The following GALNS variants were observed in gnomAD, a reference collection of about 807,000 sequenced individuals.
GALNS encodes the protein galactosamine (N-acetyl)-6-sulfatase.
In GALNS, 65 loss-of-function variants were observed where a neutral mutation model predicts 65.9. The ratio of observed to expected loss-of-function variants is 0.99; its 90% CI spans 0.81 to 1.21. The LOEUF (loss-of-function observed/expected upper bound fraction) is 1.21, where lower values mean the gene tolerates loss of function less well. Ranked by LOEUF, GALNS falls within the 50% of genes most tolerant of loss-of-function variation. The pLI is 0.00. For synonymous variants in GALNS, 346 were observed against 288.9 expected, an observed-to-expected ratio of 1.20 and a Z score of -2.00; for missense variants, 776 against 700.7, an observed-to-expected ratio of 1.11 and a Z score of -1.21.
intron 9 of GALNS, chr16:88,827,051 C>G: frequency 1.6e-6 from 1 of 612,892 alleles, no homozygotes; most frequent in South Asian, 1.9e-5. Context: ...AGAGCCAGGC[C>G]ACGCCCTCAC....
intron 13 of GALNS, chr16:88,816,335 G>A (rs1380705927): frequency 2.0e-6 from 2 of 985,316 alleles, no homozygotes; most frequent in Non-Finnish European, 2.4e-6. Context: ...GGGTGTGGAA[G>A]GCAGAAGGCC....
At chr16:88,819,635 C>A (rs529278531) in intron 12 of GALNS, among the ~76,000 whole-genome samples, 8 of 152,164 alleles carry the variant, frequency 5.3e-5, no homozygotes, top group Non-Finnish European at 7.4e-5. Context: ...CAGGCTCAAG[C>A]GATCTTCCTG....
At chr16:88,818,157 G>A (rs1038152400) in intron 12 of GALNS, 33 bp from the exon 13 acceptor site, 3 of 1,531,322 alleles carry the variant, frequency 2.0e-6, no homozygotes, top group Admixed American at 1.9e-5. Context: ...ACACGGCTGG[G>A]GCTGACAGCG....
chr16:88,835,881 C>T lies in GALNS; in HGVS notation c.634-32G>A, dbSNP rs1438458112. The T allele has an allele frequency of 1.9e-6, 3 of 1,613,326 alleles. No individual in the cohort carries two copies. In the African/African-American group the frequency reaches 4.0e-5, roughly 22 times the overall value. On this transcript the variant is annotated intron_variant, in intron 6 of 13. Coordinates refer to ENST00000268695, the MANE Select transcript of GALNS (RefSeq NM_000512.5). Reference sequence around the variant, plus strand: ...AGAGAGCCACACCGTCGTCCTCCAGCCTCAGGCCGACCTCCTCATGCCTCC... The same window carrying T: ...AGAGAGCCACACCGTCGTCCTCCAGTCTCAGGCCGACCTCCTCATGCCTCC...
At chr16:88,854,049 G>GC in intron 1 of GALNS, among the ~76,000 whole-genome samples, 1 of 152,350 alleles carries the variant, frequency 6.6e-6, no homozygotes, top group African/African-American at 2.4e-5. Flanking sequence ...GGGGGCCCAG[G>GC]CCCCCCACTG....
At chr16:88,849,060 T>C (rs1192371355) in intron 1 of GALNS, among the ~76,000 whole-genome samples, 2 of 152,196 alleles carry the variant, frequency 1.3e-5, no homozygotes, top group South Asian at 4.1e-4. Flanking sequence ...TCAAAGGCCC[T>C]CCATGTCTCA....
At chr16:88,832,186 G>C in intron 8 of GALNS, 85 bp from the exon 9 acceptor site, 1 of 1,232,732 alleles carries the variant, frequency 8.1e-7, no homozygotes. Flanking sequence ...CACTGAGACT[G>C]GTCATAGGGA....
At position 88,835,938 on chromosome 16, in the gene GALNS, C is replaced by T. The variant is rs779990933; in HGVS notation, c.634-89G>A. ...CCCCGTCCCCACACGTCCCACGGGGCGAGGTTGGTGCGGTCCCCGTCCCCA... is the reference window on the plus strand; with the variant it reads ...CCCCGTCCCCACACGTCCCACGGGGTGAGGTTGGTGCGGTCCCCGTCCCCA... On this transcript the variant is annotated intron_variant, in intron 6 of 13. Transcript: ENST00000268695. 1.7e-5 allele frequency: 27 copies of T among 1,595,790 alleles called. No individual in the cohort carries two copies. In the East Asian group the frequency reaches 2.1e-4, roughly 12 times the overall value.
At chr16:88,817,855 C>T (rs998821344) in intron 13 of GALNS, 152 bp downstream of exon 13, 13 of 750,490 alleles carry the variant, frequency 1.7e-5, no homozygotes, top group African/African-American at 1.0e-4. Context: ...CGGACGCCGC[C>T]GCGTGTGCTC....
In GALNS at chr16:88,856,184, T is replaced by C. The variant is rs888732722; in HGVS notation, c.120+574A>G. On this transcript the variant is annotated intron_variant, in intron 1 of 13. Coordinates refer to ENST00000268695, the MANE Select transcript of GALNS (RefSeq NM_000512.5). ...AGGAGACATTCCAGCCTTTCAGTTCTTCAGACCTTAGGGACACCTGACCTT... is the reference window on the plus strand; with the variant it reads ...AGGAGACATTCCAGCCTTTCAGTTCCTCAGACCTTAGGGACACCTGACCTT... The C allele has an allele frequency of 2.7e-5, 19 of 702,832 alleles. No homozygotes were observed. In the African/African-American group the frequency reaches 3.0e-4, roughly 11 times the overall value. 43.5% of individuals were successfully genotyped at this position (702,832 alleles called of 1,614,324 possible). A position where few individuals can be genotyped will look rare whatever the true frequency, so the allele number is the denominator to read the frequency against.
chr16:88,819,185 C>T (rs372433339), intron 12 of GALNS, among the ~76,000 whole-genome samples: 2 of 151,944 alleles, frequency 1.3e-5, no homozygotes, highest in Non-Finnish European at 2.9e-5. Flanking sequence ...ATGCGCCCCC[C>T]TCCCCACCCC....
chr16:88,817,627 G>A (rs1231798344), intron 13 of GALNS, among the ~76,000 whole-genome samples: 1 of 152,226 alleles, frequency 6.6e-6, no homozygotes, highest in African/African-American at 2.4e-5. Flanking sequence ...CCTGCAAGGA[G>A]AAGCTGCCCG....
chr16:88,816,902 G>A (rs1035659904), intron 13 of GALNS: 11 of 985,326 alleles, frequency 1.1e-5, no homozygotes, highest in Admixed American at 6.1e-5. Context: ...GGGCAGCCAC[G>A]CCCAGCCCGT....
At chr16:88,830,942 G>A (rs902060398) in intron 9 of GALNS, among the ~76,000 whole-genome samples, 1 of 152,206 alleles carries the variant, frequency 6.6e-6, no homozygotes, top group Non-Finnish European at 1.5e-5. Flanking sequence ...CCTGCTCTAA[G>A]CCCCTTCTAG....
Position 88,835,890 on chromosome 16 carries a change from G to C in GALNS, c.634-41C>G, listed in dbSNP as rs373124645. On this transcript the variant is annotated intron_variant, in intron 6 of 13. Coordinates refer to ENST00000268695, the MANE Select transcript of GALNS (RefSeq NM_000512.5). ...CACCGTCGTCCTCCAGCCTCAGGCC[G>C]ACCTCCTCATGCCTCCCACGGTCCC... 1.2e-4 allele frequency: 199 copies of C among 1,612,750 alleles called. 1 individual carries two copies. The highest frequency in any genetic ancestry group is 1.6e-4 in the Non-Finnish European group (193 of 1,179,876).
intron 1 of GALNS, among the ~76,000 whole-genome samples, chr16:88,854,586 G>C (rs1036816275): frequency 6.6e-6 from 1 of 152,210 alleles, no homozygotes; most frequent in Non-Finnish European, 1.5e-5. Flanking sequence ...CCCCCAGTGT[G>C]CTTGGCGCAG....
chr16:88,839,816 TC>T (rs1966884853), intron 4 of GALNS, among the ~76,000 whole-genome samples: 1 of 152,170 alleles, frequency 6.6e-6, no homozygotes, highest in Non-Finnish European at 1.5e-5. Flanking sequence ...GGAGACCCAC[TC>T]CCTGTCTAGC....
Position 88,829,233 on chromosome 16 carries a change from C to T in GALNS, c.1003-2395G>A, listed in dbSNP as rs569929538. 5.9e-5 allele frequency among the ~76,000 whole-genome samples: 9 copies of T among 151,902 alleles called. No individual in the cohort carries two copies. In the East Asian group the frequency reaches 1.7e-3, roughly 29 times the overall value. ...GTTCACTGAGTGACCACCGGCCACT[C>T]CCTGCAGGTGCCCCCACACAAGAAA... On this transcript the variant is annotated intron_variant, in intron 9 of 13. Transcript: ENST00000268695.
chr16:88,836,881 C>T (rs868213260), intron 5 of GALNS, among the ~76,000 whole-genome samples: 1 of 152,180 alleles, frequency 6.6e-6, no homozygotes, highest in African/African-American at 2.4e-5. Flanking sequence ...GCTGGGGAGC[C>T]GCCGCTCAGG....
Sources: gnomAD v4.1 joint callset for allele counts (sites outside exome capture counted in the v4.1 genomes callset) on GRCh38, gnomAD v4.1.1 for gene constraint, MANE v1.5 for transcripts, NCBI Gene and HGNC (gene_info 2026-07-23, HGNC 2026-07-21) for gene names.